ACCSL: variants seen among roughly 807,000 people sequenced by gnomAD.
ACCSL encodes 1-aminocyclopropane-1-carboxylate synthase homolog (inactive) like, also known as probable inactive 1-aminocyclopropane-1-carboxylate synthase-like protein 2.
ACCSL carries 55 observed loss-of-function variants against 61.7 expected under a neutral mutation model. The observed-to-expected ratio is 0.89, with a 90% CI of 0.72 to 1.12. ACCSL has a LOEUF of 1.12. ACCSL is among the 50% of genes most tolerant of loss of function. ACCSL has a pLI of 0.00. For synonymous variants in ACCSL, 258 were observed against 264.3 expected, an observed-to-expected ratio of 0.98 and a Z score of 0.23; for missense variants, 632 against 698.0, an observed-to-expected ratio of 0.91 and a Z score of 1.07.
chr11:44,048,706 C>T (rs920324163), intron 1 of ACCSL, among the ~76,000 whole-genome samples, 166 bp downstream of exon 1: 1 of 152,094 alleles, frequency 6.6e-6, no homozygotes. Flanking sequence ...AATAAAGTGA[C>T]ATGCCCCAGA....
At chr11:44,034,134 C>T in the ACCSL span, among the ~76,000 whole-genome samples, 2 of 152,082 alleles carry the variant, frequency 1.3e-5, no homozygotes, top group Non-Finnish European at 2.9e-5. Flanking sequence ...AAGCTGTGGT[C>T]ATTATCATCC....
At chr11:43,934,477 C>T in the ACCSL span, among the ~76,000 whole-genome samples, 11 of 152,258 alleles carry the variant, frequency 7.2e-5, no homozygotes, top group South Asian at 2.1e-4. Context: ...CACACACACG[C>T]GCACACACAT....
At chr11:44,010,534 A>C in the ACCSL span, among the ~76,000 whole-genome samples, 2 of 152,176 alleles carry the variant, frequency 1.3e-5, no homozygotes, top group African/African-American at 4.8e-5. Flanking sequence ...TCTCATGCCC[A>C]AGTGGATAAC....
chr11:44,005,436 G>A, the ACCSL span, among the ~76,000 whole-genome samples: 51 of 152,278 alleles, frequency 3.3e-4, no homozygotes, highest in Admixed American at 6.5e-4. Flanking sequence ...ATGGGGAGGG[G>A]AGCACTGAGG....
chr11:44,051,632 C>T (rs1287718527), intron 4 of ACCSL, 21 bp from the exon 5 acceptor site: 3 of 1,613,958 alleles, frequency 1.9e-6, no homozygotes, highest in African/African-American at 1.3e-5. Flanking sequence ...TTGACTTCTG[C>T]CTCTCATGTG....
chr11:43,976,217 C>T, the ACCSL span, among the ~76,000 whole-genome samples: 5 of 152,140 alleles, frequency 3.3e-5, 1 homozygote, highest in African/African-American at 9.6e-5. Flanking sequence ...CTTTGGGAAC[C>T]TTGGGAGGAA....
rs369480202 is a variant in ACCSL, at chr11:44,055,226, T to C, written c.1074T>C (p.Asp358=). 149 of 1,600,136 alleles carry C rather than the reference T, an allele frequency of 9.3e-5. No individual in the cohort carries two copies. In the Middle Eastern group the frequency reaches 2.3e-3, roughly 25 times the overall value. The change falls in exon 9 of 14, where the codon GAT becomes GAC. Residue 358 remains aspartate (D), a synonymous_variant. Transcript: ENST00000378832. The part of the protein sequence containing the change: ...AKRYNLHVII[D]EIYMLSVFDE... ...GGTATAACCTACATGTGATCATAGA[T>C]GAGATTTACATGCTGTCTGTGTTTG...
chr11:44,055,168 A>C (rs1952663378), intron 8 of ACCSL, 34 bp from the exon 9 acceptor site: 17 of 1,408,724 alleles, frequency 1.2e-5, no homozygotes, highest in Non-Finnish European at 1.5e-5. Flanking sequence ...GAGAGAAGCT[A>C]GATCTTGTTC....
chr11:44,005,727 C>A, the ACCSL span, among the ~76,000 whole-genome samples: 1 of 152,146 alleles, frequency 6.6e-6, no homozygotes, highest in African/African-American at 2.4e-5. Context: ...CCGCCCTCTA[C>A]CCCCAGGTAA....
intron 5 of ACCSL, 145 bp downstream of exon 5, chr11:44,051,864 G>C: frequency 1.1e-6 from 1 of 891,244 alleles, no homozygotes; most frequent in Non-Finnish European, 1.8e-6. Context: ...CACTGACTAG[G>C]TTATCTTCCT....
At chr11:44,051,198 T>C in intron 3 of ACCSL, 137 bp from the exon 4 acceptor site, 1 of 846,010 alleles carries the variant, frequency 1.2e-6, no homozygotes, top group South Asian at 1.4e-5. Context: ...GGGGAGTTGA[T>C]GGTCTTAGTC....
the ACCSL span, among the ~76,000 whole-genome samples, chr11:43,968,511 T>C: frequency 6.6e-6 from 1 of 152,334 alleles, no homozygotes; most frequent in Non-Finnish European, 1.5e-5. Context: ...TTTTTGCTTT[T>C]TGAACATCCA....
At chr11:43,985,373 T>C in the ACCSL span, among the ~76,000 whole-genome samples, 1 of 152,026 alleles carries the variant, frequency 6.6e-6, no homozygotes, top group Non-Finnish European at 1.5e-5. Context: ...AAGAGAGAGA[T>C]GGGAGAGCCG....
chr11:43,969,678 G>A, the ACCSL span, among the ~76,000 whole-genome samples: 2 of 152,080 alleles, frequency 1.3e-5, no homozygotes, highest in South Asian at 2.1e-4. Context: ...CGCAGAGCCT[G>A]CCAGGACCCC....
the ACCSL span, among the ~76,000 whole-genome samples, chr11:43,954,004 T>C: frequency 6.6e-6 from 1 of 152,046 alleles, no homozygotes; most frequent in African/African-American, 2.4e-5. Context: ...CACAGCTGTA[T>C]TGGGATGTGC....
the ACCSL span, among the ~76,000 whole-genome samples, chr11:43,959,819 A>G: frequency 6.6e-6 from 1 of 152,148 alleles, no homozygotes; most frequent in Admixed American, 6.5e-5. Context: ...ACCTTCTCTG[A>G]GACCACAGCA....
chr11:43,922,838 G>A, the ACCSL span, among the ~76,000 whole-genome samples: 55,502 of 151,950 alleles, frequency 0.37, 10,700 homozygotes, highest in East Asian at 0.61. Flanking sequence ...ACTCCAGTCA[G>A]CAGCCCAAAG....
the ACCSL span, among the ~76,000 whole-genome samples, chr11:43,962,737 A>G: frequency 6.6e-6 from 1 of 152,370 alleles, no homozygotes; most frequent in African/African-American, 2.4e-5. Flanking sequence ...ATGTAAGAAA[A>G]TAGCATCCTG....
chr11:43,996,098 C>T, the ACCSL span, among the ~76,000 whole-genome samples: 1 of 152,308 alleles, frequency 6.6e-6, no homozygotes, highest in Admixed American at 6.5e-5. Context: ...CTGAGGCTCC[C>T]AGAAGCCAGG....
Sources: gnomAD v4.1 joint callset for allele counts (sites outside exome capture counted in the v4.1 genomes callset) on GRCh38, gnomAD v4.1.1 for gene constraint, MANE v1.5 for transcripts, NCBI Gene and HGNC (gene_info 2026-07-23, HGNC 2026-07-21) for gene names.